The following ADAT2 variants were observed in gnomAD, a reference collection of about 807,000 sequenced individuals.
ADAT2 encodes adenosine deaminase tRNA specific 2.
In ADAT2, 26 loss-of-function variants were observed where a neutral mutation model predicts 25.9. The ratio of observed to expected loss-of-function variants is 1.00; its 90% CI spans 0.74 to 1.39. ADAT2 has a LOEUF of 1.39. Among genes scored for constraint, ADAT2 ranks in the 40% most tolerant of loss-of-function variants. The pLI, the probability that ADAT2 is intolerant of heterozygous loss-of-function variation, is 0.00. For missense variants in ADAT2, 220 were observed against 244.8 expected, an observed-to-expected ratio of 0.90 and a Z score of 0.68; for synonymous variants, 76 against 86.8, an observed-to-expected ratio of 0.88 and a Z score of 0.69.
chr6:143,435,219 A>T (rs1032430300), intron 2 of ADAT2, among the ~76,000 whole-genome samples: 1 of 151,932 alleles, frequency 6.6e-6, no homozygotes, highest in Non-Finnish European at 1.5e-5. Context: ...CAGATTTAGA[A>T]TTATGGAATC....
intron 1 of ADAT2, among the ~76,000 whole-genome samples, chr6:143,439,256 G>A (rs1322249906): frequency 6.8e-6 from 1 of 147,576 alleles, no homozygotes; most frequent in Non-Finnish European, 1.5e-5. Flanking sequence ...TATGAAAAAC[G>A]TTTTGGAAAT....
At chr6:143,430,069 C>A (rs976648487) in intron 4 of ADAT2, among the ~76,000 whole-genome samples, 1 of 152,200 alleles carries the variant, frequency 6.6e-6, no homozygotes, top group Non-Finnish European at 1.5e-5. Context: ...CTCAACTCTG[C>A]AGTCCTGGAG....
Position 143,423,593 on chromosome 6 carries a change from C to T in ADAT2, c.*4870G>A, listed in dbSNP as rs1778841871. The T allele has an allele frequency of 6.6e-6, 1 of 152,072 alleles. No individual in the cohort carries two copies. Among genetic ancestry groups the T allele is most frequent in the Non-Finnish European group, 1.5e-5 (1 of 68,018 alleles). 9.4% of individuals were successfully genotyped at this position (152,072 alleles called of 1,614,324 possible). A position where few individuals can be genotyped will look rare whatever the true frequency, so the allele number is the denominator to read the frequency against. ...AAACTATCGCAGGTTTTAAAACTAT[C>T]CCAACAAGAGGAAGAGATCAGGCTC... On this transcript the variant is annotated 3_prime_UTR_variant, in exon 6 of 6. Coordinates refer to ENST00000237283, the MANE Select transcript of ADAT2 (RefSeq NM_182503.3).
chr6:143,428,497 G>T lies in ADAT2; in HGVS notation c.542C>A (p.Ser181Ter). The T allele has an allele frequency of 6.2e-7, 1 of 1,613,892 alleles. No individual in the cohort carries two copies. Among genetic ancestry groups the T allele is most frequent in the Non-Finnish European group, 8.5e-7 (1 of 1,179,986 alleles). The stretch of plus-strand genomic sequence containing the variant: ...CTGACATTCCTTTTTCCGAACTTTC[G>T]ATTTTGGTGCTGTGAAAAGAATAGA... ...YKQENPNAPKSKVRKKECQKS is the reference protein window; with the variant it reads ...YKQENPNAPK The change falls in exon 6 of 6, where the codon TCG becomes TAG. Residue 181 changes from serine (S) to a stop codon, truncating the protein, a stop_gained. Coordinates refer to ENST00000237283, the MANE Select transcript of ADAT2 (RefSeq NM_182503.3). LOFTEE classifies it high-confidence loss of function. This position sits in a 1 kb window ranked among gnomAD's most constrained non-coding sequence, Gnocchi z 5.0.
In ADAT2 at chr6:143,425,733, TTG is replaced by T. The variant is rs71714792; in HGVS notation, c.*2728_*2729del. On this transcript the variant is annotated 3_prime_UTR_variant, in exon 6 of 6. Transcript: ENST00000237283. ...GGTAAAGGGCCATGGTGTGTTGTGT[TTG>T]TGTGTGTGTGTGTGTGTGTGTGTGT... is the stretch of plus-strand genomic sequence containing the variant. 0.046 allele frequency: 6,276 copies of T among 136,496 alleles called. 154 individuals carry two copies. The highest frequency in any genetic ancestry group is 0.07 in the East Asian group (308 of 4,420). The allele number at this position is 136,496 out of a possible 1,614,324, so 8.5% of individuals were successfully genotyped here. A position where few individuals can be genotyped will look rare whatever the true frequency, so the allele number is the denominator to read the frequency against.
intron 1 of ADAT2, among the ~76,000 whole-genome samples, chr6:143,447,663 TA>T (rs1779635191): frequency 6.6e-6 from 1 of 152,058 alleles, no homozygotes; most frequent in Non-Finnish European, 1.5e-5. Flanking sequence ...AAGAAAACAT[TA>T]AAATATTTTC....
In ADAT2 at chr6:143,444,402, C is replaced by T. The variant is rs1779541887; in HGVS notation, c.97-5708G>A. ...CCATGGAAGTGAGTTGAGGGGAACT[C>T]CTTTACAACAATTAACATGTAGATT... On this transcript the variant is annotated intron_variant, in intron 1 of 5. Coordinates refer to ENST00000237283, the MANE Select transcript of ADAT2 (RefSeq NM_182503.3). The surrounding 1 kb of genome is among the most constrained non-coding windows in gnomAD (Gnocchi z 4.3). Among the ~76,000 whole-genome samples, 1 of 143,524 alleles carries T rather than the reference C, an allele frequency of 7.0e-6. No individual in the cohort carries two copies. Among genetic ancestry groups the T allele is most frequent in the African/African-American group, 2.6e-5 (1 of 38,944 alleles). The allele number at this position is 143,524 out of a possible 152,430, so 94.2% of individuals were successfully genotyped here.
chr6:143,435,969 TATA>T (rs1779262909), intron 2 of ADAT2, among the ~76,000 whole-genome samples: 1 of 152,192 alleles, frequency 6.6e-6, no homozygotes, highest in Admixed American at 6.5e-5. Flanking sequence ...CCCTGGCAGT[TATA>T]ATACTTCTCA....
At chr6:143,438,345 A>G (rs1583982282) in intron 2 of ADAT2, among the ~76,000 whole-genome samples, 1 of 152,188 alleles carries the variant, frequency 6.6e-6, no homozygotes, top group Non-Finnish European at 1.5e-5. Flanking sequence ...ACAGAAAATT[A>G]TTCACTAAGA....
chr6:143,430,772 A>AG (rs1284904834), intron 4 of ADAT2, among the ~76,000 whole-genome samples: 6 of 152,036 alleles, frequency 3.9e-5, no homozygotes, highest in African/African-American at 1.4e-4. Flanking sequence ...TCACCATGTT[A>AG]GCCAGGATGG....
At chr6:143,435,582 A>T (rs1342711353) in intron 2 of ADAT2, among the ~76,000 whole-genome samples, 1 of 152,228 alleles carries the variant, frequency 6.6e-6, no homozygotes, top group Non-Finnish European at 1.5e-5. Flanking sequence ...TCATCTTAAG[A>T]CATCATACAC....
chr6:143,431,314 G>T (rs1418502547), intron 4 of ADAT2, among the ~76,000 whole-genome samples: 1 of 152,192 alleles, frequency 6.6e-6, no homozygotes, highest in Non-Finnish European at 1.5e-5. Context: ...ATGTTGGAGA[G>T]AAATATTCCA....
At chr6:143,449,274 A>G (rs895580521) in intron 1 of ADAT2, among the ~76,000 whole-genome samples, 1 of 152,140 alleles carries the variant, frequency 6.6e-6, no homozygotes, top group Non-Finnish European at 1.5e-5. Flanking sequence ...CTGTTCTTCA[A>G]CTTTTGAGAT....
rs573030495 is a variant in ADAT2, at chr6:143,429,163, G to A, written c.460-479C>T. The stretch of plus-strand genomic sequence containing the variant: ...CATTCCATGCTATAGAGCTAGGGTT[G>A]GCAAATTATACTTGGTGGACCAAAT... On this transcript the variant is annotated intron_variant, in intron 4 of 5. Transcript: ENST00000237283. 1.4e-3 allele frequency among the ~76,000 whole-genome samples: 211 copies of A among 152,284 alleles called. No individual in the cohort carries two copies. In the Middle Eastern group the frequency reaches 0.017, roughly 12 times the overall value.
Position 143,423,699 on chromosome 6 carries a change from G to C in ADAT2, c.*4764C>G, listed in dbSNP as rs1778845229. 1 of 152,214 alleles carries C rather than the reference G, an allele frequency of 6.6e-6. No homozygotes were observed. Among genetic ancestry groups the C allele is most frequent in the Non-Finnish European group, 1.5e-5 (1 of 68,054 alleles). 9.4% of individuals were successfully genotyped at this position (152,214 alleles called of 1,614,324 possible). A position where few individuals can be genotyped will look rare whatever the true frequency, so the allele number is the denominator to read the frequency against. On this transcript the variant is annotated 3_prime_UTR_variant, in exon 6 of 6. Coordinates refer to ENST00000237283, the MANE Select transcript of ADAT2 (RefSeq NM_182503.3). Reference sequence around the variant, plus strand: ...GGGTCAGTGATTAGGAAATTACTAAGAGGAGATATCAAGAGTAGAGTTCTT... The same window carrying C: ...GGGTCAGTGATTAGGAAATTACTAACAGGAGATATCAAGAGTAGAGTTCTT...
intron 1 of ADAT2, chr6:143,441,906 G>C (rs1779468105): frequency 6.6e-6 from 1 of 152,184 alleles, no homozygotes; most frequent in Non-Finnish European, 1.5e-5. Flanking sequence ...AACATCAAAT[G>C]CTGGCAAGGC....
chr6:143,438,034 T>C (rs1030820927), intron 2 of ADAT2, among the ~76,000 whole-genome samples: 5 of 152,200 alleles, frequency 3.3e-5, no homozygotes, highest in African/African-American at 9.6e-5. Context: ...GCAGCTGGTG[T>C]TGAAGACCCT....
intron 4 of ADAT2, among the ~76,000 whole-genome samples, chr6:143,430,573 T>G (rs564343364): frequency 0.28 from 42,548 of 151,930 alleles, 6,187 homozygotes; most frequent in Admixed American, 0.32. Context: ...CATAATAATT[T>G]TTTTTTTTGA....
In ADAT2 at chr6:143,440,729, G is replaced by A. The variant is rs1263147065; in HGVS notation, c.97-2035C>T. Reference sequence around the variant, plus strand: ...TAGGCTACTATAGAGAAGAAAGCCAGGAAGAAGACGGACAGTTAAGGAGAA... The same window carrying A: ...TAGGCTACTATAGAGAAGAAAGCCAAGAAGAAGACGGACAGTTAAGGAGAA... On this transcript the variant is annotated intron_variant, in intron 1 of 5. Transcript: ENST00000237283. The surrounding 1 kb of genome is among the most constrained non-coding windows in gnomAD (Gnocchi z 4.5). 6.6e-6 allele frequency among the ~76,000 whole-genome samples: 1 copy of A among 152,198 alleles called. No homozygotes were observed. The highest frequency in any genetic ancestry group is 2.4e-5 in the African/African-American group (1 of 41,442).
Sources: gnomAD v4.1 joint callset for allele counts (sites outside exome capture counted in the v4.1 genomes callset) on GRCh38, gnomAD v4.1.1 for gene constraint, Gnocchi (gnomAD v3.1) non-coding constraint, MANE v1.5 for transcripts, NCBI Gene and HGNC (gene_info 2026-07-23, HGNC 2026-07-21) for gene names.